The following FSCN2 variants were observed in gnomAD, a reference collection of about 807,000 sequenced individuals.
FSCN2 encodes the protein fascin actin-bundling protein 2, retinal.
A neutral mutation model predicts 37.8 loss-of-function variants in FSCN2; 46 were observed. The observed-to-expected ratio is 1.22, with a 90% confidence interval of 0.96 to 1.56. The LOEUF is 1.56. FSCN2 is among the 40% of genes most tolerant of loss of function. The probability of loss-of-function intolerance (pLI) is 0.00; values close to 1 mark genes in which losing one functional copy is unlikely to be tolerated. For missense variants in FSCN2, 844 were observed against 730.4 expected, an observed-to-expected ratio of 1.16 and a Z score of -1.79; for synonymous variants, 351 against 309.4, an observed-to-expected ratio of 1.13 and a Z score of -1.41.
At chr17:81,525,771 A>G (rs1196072646), upstream of FSCN2, among the ~76,000 whole-genome samples, 2 of 152,150 alleles carry the variant, frequency 1.3e-5, no homozygotes, top group Non-Finnish European at 2.9e-5. Context: ...ACATCCAACA[A>G]TCTCAGGCAC....
chr17:81,528,336 C>T (rs1376374943), upstream of FSCN2: 9 of 588,262 alleles, frequency 1.5e-5, no homozygotes, highest in East Asian at 5.6e-5. Context: ...CTCTGCTGCC[C>T]GCGGGCCCTC....
At chr17:81,529,649 C>T (rs370366063) in intron 1 of FSCN2, 54 of 651,410 alleles carry the variant, frequency 8.3e-5, no homozygotes, top group African/African-American at 7.0e-4. Context: ...TGGGCAGCTG[C>T]GGAGTCTGAG....
chr17:81,525,425 C>CAAAAAAAAAA (rs1202765459), upstream of FSCN2, among the ~76,000 whole-genome samples: 147 of 47,844 alleles, frequency 3.1e-3, 11 homozygotes, highest in African/African-American at 0.011. Flanking sequence ...GACTCTGTCT[C>CAAAAAAAAAA]AAAAAAAAAA....
chr17:81,517,646 A>G, the FSCN2 span, among the ~76,000 whole-genome samples: 44 of 151,976 alleles, frequency 2.9e-4, no homozygotes, highest in South Asian at 2.1e-4. Context: ...TGGGCCCGAG[A>G]AGAAGGCTCC....
the FSCN2 span, among the ~76,000 whole-genome samples, chr17:81,519,257 G>A: frequency 6.6e-6 from 1 of 152,096 alleles, no homozygotes; most frequent in South Asian, 2.1e-4. Flanking sequence ...CCACGCAGTC[G>A]ACCTCTCCTG....
rs1414877239 is a variant in FSCN2, at chr17:81,536,630, G to A, written c.1114G>A (p.Glu372Lys). 2.5e-6 allele frequency: 4 copies of A among 1,609,744 alleles called. No homozygotes were observed. Among genetic ancestry groups the A allele is most frequent in the South Asian group, 2.2e-5 (2 of 91,046 alleles). Reference protein sequence around the residue: ...AAISDFVGKDEEFTLKLINRP... With the variant: ...AAISDFVGKDKEFTLKLINRP... ...GACGCTCTCCCCGCCAGGCAAGGAC[G>A]AAGAGTTCACCCTCAAGCTCATCAA... The change falls in exon 4 of 5, where the codon GAA becomes AAA. Residue 372 changes from glutamate to lysine, a missense_variant. Glu to Lys is a moderately conservative substitution (Grantham distance 56, BLOSUM62 1). Coordinates refer to ENST00000417245, the MANE Select transcript of FSCN2 (RefSeq NM_012418.4).
chr17:81,532,605 G>T (rs1443330754), intron 1 of FSCN2, among the ~76,000 whole-genome samples: 1 of 140,982 alleles, frequency 7.1e-6, no homozygotes, highest in African/African-American at 2.8e-5. Context: ...GGTGATGATG[G>T]TGATGGTGAT....
In FSCN2 at chr17:81,529,367, G is replaced by A. The variant is rs1555670856; in HGVS notation, c.826+10G>A. On this transcript the variant is annotated intron_variant, in intron 1 of 4. Coordinates refer to ENST00000417245, the MANE Select transcript of FSCN2 (RefSeq NM_012418.4). ...GTCTCTGTGCGGCAAGGTAGGGAGG[G>A]CACAGGTGGCGACCTCCTGAGGGGT... 1 of 1,527,266 alleles carries A rather than the reference G, an allele frequency of 6.5e-7. No homozygotes were observed. Among genetic ancestry groups the A allele is most frequent in the African/African-American group, 1.4e-5 (1 of 72,906 alleles). The allele number at this position is 1,527,266 out of a possible 1,614,324, so 94.6% of individuals were successfully genotyped here. A position where few individuals can be genotyped will look rare whatever the true frequency, so the allele number is the denominator to read the frequency against.
At chr17:81,523,262 G>A in the FSCN2 span, among the ~76,000 whole-genome samples, 4 of 152,288 alleles carry the variant, frequency 2.6e-5, no homozygotes, top group South Asian at 6.2e-4. Flanking sequence ...AGGCAGCCAC[G>A]CTGGAGAGCC....
At chr17:81,536,473 C>T in intron 3 of FSCN2, 149 bp from the exon 4 acceptor site, 2 of 1,519,002 alleles carry the variant, frequency 1.3e-6, no homozygotes, top group South Asian at 1.2e-5. Flanking sequence ...GCTGGGAACC[C>T]CCTAGGCGCC....
rs782082455 is a variant in FSCN2 at position 81,529,237 on chromosome 17, G to A, written c.706G>A (p.Gly236Ser). The A allele has an allele frequency of 6.9e-6, 11 of 1,600,100 alleles. No homozygotes were observed. Among genetic ancestry groups the A allele is most frequent in the African/African-American group, 6.7e-5 (5 of 74,610 alleles). Reference protein sequence around the residue: ...GHYLAPVGPAGTLKAGRNTRP... With the variant: ...GHYLAPVGPASTLKAGRNTRP... Reference sequence around the variant, plus strand: ...CTACCTGGCACCCGTGGGGCCCGCAGGCACCCTCAAGGCCGGCCGAAACAC... The same window carrying A: ...CTACCTGGCACCCGTGGGGCCCGCAAGCACCCTCAAGGCCGGCCGAAACAC... The change falls in exon 1 of 5, where the codon GGC becomes AGC. Residue 236 changes from glycine (G) to serine (S), a missense_variant. By Grantham distance (56) the Gly-to-Ser change is moderately conservative. Coordinates refer to ENST00000417245, the MANE Select transcript of FSCN2 (RefSeq NM_012418.4).
chr17:81,527,201 C>G (rs2032377181), upstream of FSCN2: 1 of 152,498 alleles, frequency 6.6e-6, no homozygotes, highest in African/African-American at 2.4e-5. Flanking sequence ...GACTCCTGCC[C>G]TACGGGGACC....
At chr17:81,525,715 ACT>A (rs1459718728), upstream of FSCN2, among the ~76,000 whole-genome samples, 18 of 152,074 alleles carry the variant, frequency 1.2e-4, no homozygotes, top group African/African-American at 4.1e-4. Flanking sequence ...ACAGTGTGAG[ACT>A]CTGTCTGAAA....
the FSCN2 span, among the ~76,000 whole-genome samples, chr17:81,521,950 G>A: frequency 2.2e-4 from 33 of 152,242 alleles, no homozygotes; most frequent in East Asian, 7.7e-4. Context: ...AATGTCCTCC[G>A]TAGTGTGTTT....
Position 81,528,509 on chromosome 17 carries a change from C to T in FSCN2, c.-23C>T. 6.4e-7 allele frequency: 1 copy of T among 1,555,322 alleles called. No individual in the cohort carries two copies. The highest frequency in any genetic ancestry group is 1.2e-5 in the South Asian group (1 of 85,200). ...CTCAGAGGGCGCATCCCAGGCCCCT[C>T]CGGGGACCCGGCCAGCCTGAAGATG... is the stretch of plus-strand genomic sequence containing the variant. On this transcript the variant is annotated 5_prime_UTR_variant, in exon 1 of 5. Coordinates refer to ENST00000417245, the MANE Select transcript of FSCN2 (RefSeq NM_012418.4).
intron 2 of FSCN2, 45 bp from the exon 3 acceptor site, chr17:81,536,101 C>G: frequency 6.3e-7 from 1 of 1,590,938 alleles, no homozygotes; most frequent in Non-Finnish European, 8.6e-7. Flanking sequence ...ACCCTGCACC[C>G]CCATCTCCTG....
At chr17:81,532,606 T>C (rs1568079724) in intron 1 of FSCN2, among the ~76,000 whole-genome samples, 9 of 145,736 alleles carry the variant, frequency 6.2e-5, no homozygotes, top group African/African-American at 2.4e-4. Context: ...GTGATGATGG[T>C]GATGGTGATG....
intron 1 of FSCN2, among the ~76,000 whole-genome samples, chr17:81,531,486 A>ATGTTGG (rs1568077493): frequency 1.3e-5 from 1 of 79,394 alleles, no homozygotes; most frequent in African/African-American, 4.8e-5. Context: ...GGTGATGGTG[A>ATGTTGG]TGATGGTGAT....
chr17:81,524,042 G>A (rs564419949), upstream of FSCN2, among the ~76,000 whole-genome samples: 2 of 152,152 alleles, frequency 1.3e-5, no homozygotes, highest in Non-Finnish European at 2.9e-5. Context: ...AGCACCAGAC[G>A]GGCCAACTCG....
Sources: gnomAD v4.1 joint callset for allele counts (sites outside exome capture counted in the v4.1 genomes callset) on GRCh38, gnomAD v4.1.1 for gene constraint, MANE v1.5 for transcripts, NCBI Gene and HGNC (gene_info 2026-07-23, HGNC 2026-07-21) for gene names.